Variants in ATRNL1 observed in about 807,000 individuals in gnomAD.
ATRNL1 encodes attractin-like protein 1.
A neutral mutation model predicts 182.7 loss-of-function variants in ATRNL1; 95 were observed. That is an observed-to-expected ratio of 0.52 (90% CI 0.44 to 0.62). ATRNL1 has a LOEUF of 0.62. ATRNL1 is among the 20% of genes least tolerant of loss of function. ATRNL1 has a pLI of 0.00. For missense variants in ATRNL1, 1,471 were observed against 1,679.5 expected (o/e 0.88, Z 2.17); for synonymous variants, 576 against 568.3 (o/e 1.01, Z -0.19).
intron 17 of ATRNL1, among the ~76,000 whole-genome samples, chr10:115,303,257 C>T (rs1308442800): frequency 7.7e-6 from 1 of 130,286 alleles, no homozygotes; most frequent in Non-Finnish European, 1.5e-5. Flanking sequence ...TGGAGTCTCA[C>T]TCTGTGGCCC....
intron 18 of ATRNL1, among the ~76,000 whole-genome samples, chr10:115,324,185 A>G (rs1854748332): frequency 6.6e-6 from 1 of 151,880 alleles, no homozygotes; most frequent in African/African-American, 2.4e-5. Context: ...TTTAATTTAG[A>G]ATTTTTTTTT....
chr10:115,450,394 G>A (rs1847223554), intron 21 of ATRNL1, among the ~76,000 whole-genome samples: 1 of 152,150 alleles, frequency 6.6e-6, no homozygotes, highest in Non-Finnish European at 1.5e-5. Context: ...TATAGTCTGA[G>A]TCCAAAGGCT....
chr10:115,275,590 G>A (rs1852068806), intron 13 of ATRNL1, among the ~76,000 whole-genome samples: 1 of 152,082 alleles, frequency 6.6e-6, no homozygotes, highest in Non-Finnish European at 1.5e-5. Context: ...CCTAGCCCCT[G>A]CCAACCTAGA....
intron 26 of ATRNL1, among the ~76,000 whole-genome samples, chr10:115,677,117 A>T (rs567268812): frequency 6.6e-6 from 1 of 152,128 alleles, no homozygotes; most frequent in African/African-American, 2.4e-5. Context: ...GAATAAATGC[A>T]TTCATGAAAG....
chr10:115,276,391 G>GTATTA (rs1355410084), intron 13 of ATRNL1, among the ~76,000 whole-genome samples: 1 of 152,108 alleles, frequency 6.6e-6, no homozygotes, highest in Non-Finnish European at 1.5e-5. Context: ...CTTAAAAATT[G>GTATTA]TATTATGTAA....
At chr10:115,690,801 C>T (rs916634402) in intron 26 of ATRNL1, among the ~76,000 whole-genome samples, 1 of 152,162 alleles carries the variant, frequency 6.6e-6, no homozygotes, top group Non-Finnish European at 1.5e-5. Flanking sequence ...ATGTGCAAGT[C>T]CTCTTTCTGG....
intron 1 of ATRNL1, among the ~76,000 whole-genome samples, chr10:115,095,399 TTAAAA>T (rs1254299676): frequency 6.6e-6 from 1 of 151,754 alleles, no homozygotes; most frequent in African/African-American, 2.4e-5. Context: ...CTATTACTGA[TTAAAA>T]TAAATGTCCC....
intron 19 of ATRNL1, among the ~76,000 whole-genome samples, chr10:115,385,912 T>C (rs1227880991): frequency 1.3e-5 from 2 of 152,182 alleles, no homozygotes; most frequent in Non-Finnish European, 2.9e-5. Flanking sequence ...TCTGGTCCAT[T>C]GATCACTCTC....
intron 21 of ATRNL1, among the ~76,000 whole-genome samples, chr10:115,458,864 T>C (rs1847658221): frequency 6.6e-6 from 1 of 152,140 alleles, no homozygotes; most frequent in African/African-American, 2.4e-5. Context: ...TCTAAATAGA[T>C]ATTCTCTTTC....
At chr10:115,938,756 A>G (rs560530036) in intron 28 of ATRNL1, among the ~76,000 whole-genome samples, 5 of 152,320 alleles carry the variant, frequency 3.3e-5, no homozygotes, top group African/African-American at 1.2e-4. Flanking sequence ...AGGCACAGAA[A>G]GACAAATACT....
intron 26 of ATRNL1, among the ~76,000 whole-genome samples, chr10:115,626,827 T>C (rs1458915539): frequency 6.6e-6 from 1 of 152,200 alleles, no homozygotes; most frequent in African/African-American, 2.4e-5. Context: ...CAGAGTAGCA[T>C]CTGCATATGA....
intron 18 of ATRNL1, among the ~76,000 whole-genome samples, chr10:115,319,642 CT>C (rs377100126): frequency 1.5e-4 from 22 of 148,026 alleles, no homozygotes; most frequent in East Asian, 3.9e-4. Flanking sequence ...TATGTAATGC[CT>C]TTTTTTTTGT....
chr10:115,312,494 T>G (rs148266543), intron 17 of ATRNL1, among the ~76,000 whole-genome samples: 26 of 152,338 alleles, frequency 1.7e-4, no homozygotes, highest in African/African-American at 4.3e-4. Flanking sequence ...TGATAAGTTT[T>G]TCTTTATAGA....
chr10:115,870,500 A>G (rs782524511), intron 28 of ATRNL1, among the ~76,000 whole-genome samples: 9 of 152,224 alleles, frequency 5.9e-5, no homozygotes, highest in Non-Finnish European at 1.0e-4. Flanking sequence ...TCCTAAAAGC[A>G]TTTGAGGTAA....
intron 10 of ATRNL1, among the ~76,000 whole-genome samples, chr10:115,264,505 C>G (rs1851523829): frequency 6.6e-6 from 1 of 151,472 alleles, no homozygotes. Context: ...TTCCTAGTCA[C>G]TGAATGATGA....
chr10:115,645,439 A>T (rs1488352797), intron 26 of ATRNL1, among the ~76,000 whole-genome samples: 1 of 147,702 alleles, frequency 6.8e-6, no homozygotes, highest in Non-Finnish European at 1.5e-5. Flanking sequence ...TTGTATATAT[A>T]TAATATAGAT....
At chr10:115,723,974 A>G (rs2134051788) in intron 26 of ATRNL1, among the ~76,000 whole-genome samples, 1 of 152,252 alleles carries the variant, frequency 6.6e-6, no homozygotes, top group Admixed American at 6.5e-5. Context: ...TTTCTTCACA[A>G]CAATGTTTAT....
chr10:115,738,146 T>TG (rs1948024605), intron 27 of ATRNL1, among the ~76,000 whole-genome samples: 2 of 113,868 alleles, frequency 1.8e-5, no homozygotes, highest in Admixed American at 1.0e-4. Context: ...TTTTTTTTTT[T>TG]TTTTTTTTTT....
At chr10:115,223,913 G>GTGTATATATATATATATA (rs71476115) in intron 9 of ATRNL1, among the ~76,000 whole-genome samples, 4 of 55,938 alleles carry the variant, frequency 7.2e-5, no homozygotes, top group African/African-American at 3.3e-4. Context: ...GTGTGTGTGT[G>GTGTATATATATATATATA]TATATATATA....
Sources: allele counts gnomAD v4.1 joint callset (sites outside exome capture counted in the v4.1 genomes callset), GRCh38; gene constraint gnomAD v4.1.1; transcripts MANE v1.5; gene names NCBI Gene and HGNC (gene_info 2026-07-23, HGNC 2026-07-21).